DYSF: variants seen among roughly 807,000 people sequenced by gnomAD.
DYSF encodes dystrophy-associated fer-1-like 1.
A neutral mutation model predicts 274.9 loss-of-function variants in DYSF; 212 were observed. The observed-to-expected ratio is 0.77, with a 90% CI of 0.69 to 0.86. The LOEUF is 0.86. Ranked by LOEUF, DYSF falls within the 40% of genes least tolerant of loss-of-function variation. DYSF has a pLI of 0.00. For missense variants in DYSF, 2,666 were observed against 2,783.2 expected (o/e 0.96, Z 0.95); for synonymous variants, 1,091 against 1,078.7 (o/e 1.01, Z -0.22).
At chr2:71,551,199 C>T in intron 18 of DYSF, 43 bp downstream of exon 18, 1 of 1,599,828 alleles carries the variant, frequency 6.3e-7, no homozygotes, top group Non-Finnish European at 8.6e-7. Flanking sequence ...TGCCAGATGC[C>T]CAGGTCCCTC....
At chr2:71,670,393 A>G (rs996529571) in intron 51 of DYSF, among the ~76,000 whole-genome samples, 1 of 152,258 alleles carries the variant, frequency 6.6e-6, no homozygotes, top group Admixed American at 6.5e-5. Flanking sequence ...CAAGAAGGCC[A>G]GTCTGGCCTA....
intron 17 of DYSF, among the ~76,000 whole-genome samples, chr2:71,543,485 G>C (rs940434517): frequency 6.6e-5 from 10 of 152,212 alleles, no homozygotes; most frequent in Non-Finnish European, 1.3e-4. Flanking sequence ...CTGCGATCTC[G>C]GCACTTTGGG....
rs779674840 is a variant in DYSF, at chr2:71,539,254, C to T, written c.1576+15C>T. 1.6e-5 allele frequency: 26 copies of T among 1,610,584 alleles called. No homozygotes were observed. In the South Asian group the frequency reaches 1.8e-4, roughly 11 times the overall value. On this transcript the variant is annotated intron_variant, in intron 17 of 55. Coordinates refer to ENST00000410020, the MANE Select transcript of DYSF (RefSeq NM_001130987.2). ...AGAAATAGAAGGTATGTTCCCTCTTCGTTCTGCCCTTTGACCCCCTGTGCT... is the reference window on the plus strand; with the variant it reads ...AGAAATAGAAGGTATGTTCCCTCTTTGTTCTGCCCTTTGACCCCCTGTGCT...
upstream of DYSF, among the ~76,000 whole-genome samples, chr2:71,464,861 C>T (rs2081432300): frequency 6.6e-6 from 1 of 152,084 alleles, no homozygotes; most frequent in Admixed American, 6.5e-5. Context: ...GGATGACAGG[C>T]TTCCACTGGG....
intron 4 of DYSF, among the ~76,000 whole-genome samples, chr2:71,505,366 C>G (rs180821210): frequency 6.6e-6 from 1 of 152,230 alleles, no homozygotes; most frequent in Admixed American, 6.5e-5. Context: ...TAAGCCCAAT[C>G]AGCAGAGCAT....
At chr2:71,673,064 C>T (rs2095158049) in intron 51 of DYSF, among the ~76,000 whole-genome samples, 1 of 152,208 alleles carries the variant, frequency 6.6e-6, no homozygotes, top group South Asian at 2.1e-4. Flanking sequence ...GTGGGTTTAC[C>T]AGGCATTTGG....
At position 71,499,715 on chromosome 2, in the gene DYSF, C is replaced by G. The variant is rs78356268; in HGVS notation, c.240-3499C>G. Among the ~76,000 whole-genome samples the G allele has an allele frequency of 8.8e-3, 1,337 of 152,342 alleles. 24 individuals are homozygous for G. The highest frequency in any genetic ancestry group is 0.031 in the African/African-American group (1,278 of 41,582). On this transcript the variant is annotated intron_variant, in intron 3 of 55. Coordinates refer to ENST00000410020, the MANE Select transcript of DYSF (RefSeq NM_001130987.2). ...TTGCCCATGCCAGTTCCTGCCTTCT[C>G]TTTCTTTGGGTTGGCAGCGGCTCTT... is the stretch of plus-strand genomic sequence containing the variant.
rs1362615374 is a variant in DYSF, at chr2:71,668,791, C to T, written c.5495C>T (p.Ala1832Val). The part of the protein sequence containing the change: ...LQMWVDLFPK[A>V]LGRPGPPFNI... ...ATGTGGGTCGACCTATTTCCGAAGG[C>T]CCTGGGGCGGCCTGGACCTCCCTTC... Residue 1832 changes from alanine (A) to valine (V), a missense_variant, in exon 49 of 56, where the codon GCC becomes GTC. Physicochemically the swap from Ala to Val is moderately conservative, Grantham distance 64 (BLOSUM62 0). Coordinates refer to ENST00000410020, the MANE Select transcript of DYSF (RefSeq NM_001130987.2). The T allele has an allele frequency of 6.2e-7, 1 of 1,613,960 alleles. No homozygotes were observed. Among genetic ancestry groups the T allele is most frequent in the East Asian group, 2.2e-5 (1 of 44,868 alleles).
chr2:71,611,534 G>A lies in DYSF; in HGVS notation c.4129G>A (p.Val1377Ile), dbSNP rs766274211. Reference protein sequence around the residue: ...LANISSPSLVVECGGQTVQSC... With the variant: ...LANISSPSLVIECGGQTVQSC... ...CAACATCTCCTCCCCCAGCCTCGTGGTAGAGTGTGGGGGCCAGACGGTGCA... is the reference window on the plus strand; with the variant it reads ...CAACATCTCCTCCCCCAGCCTCGTGATAGAGTGTGGGGGCCAGACGGTGCA... Residue 1377 changes from valine (V) to isoleucine (I), a missense_variant, in exon 38 of 56, where the codon GTA becomes ATA. This residue lies in a region of DYSF where 1,460 missense variants were observed against 1,502.1 expected (regional missense o/e 0.97). Transcript: ENST00000410020. 3.7e-6 allele frequency: 6 copies of A among 1,613,750 alleles called. No homozygotes were observed. The African/African-American group carries it at 4.0e-5, about 11-fold the overall frequency.
rs2090907734 is a variant in DYSF at position 71,551,054 on chromosome 2, G to A, written c.1590G>A (p.Leu530=). ...PGGEIEVDDY[L]GFLPTFGPCY... Reference sequence around the variant, plus strand: ...TGTGTCTCCCAGTGGATGACTACCTGGGCTTCCTCCCCACTTTTGGGCCCT... The same window carrying A: ...TGTGTCTCCCAGTGGATGACTACCTAGGCTTCCTCCCCACTTTTGGGCCCT... The change falls in exon 18 of 56, where the codon CTG becomes CTA. Residue 530 remains leucine, a synonymous_variant. Transcript: ENST00000410020. 2 of 1,614,042 alleles carry A rather than the reference G, an allele frequency of 1.2e-6. No individual in the cohort carries two copies. The highest frequency in any genetic ancestry group is 8.5e-7 in the Non-Finnish European group (1 of 1,179,954).
At chr2:71,475,505 G>A in intron 1 of DYSF, among the ~76,000 whole-genome samples, 1 of 152,160 alleles carries the variant, frequency 6.6e-6, no homozygotes, top group East Asian at 1.9e-4. Context: ...ACCAAAGAGA[G>A]ATCAGCTACC....
chr2:71,478,965 T>C, intron 1 of DYSF, among the ~76,000 whole-genome samples: 1 of 152,056 alleles, frequency 6.6e-6, no homozygotes, highest in Admixed American at 6.6e-5. Context: ...CACAGGAGGC[T>C]GCACCTCTCC....
chr2:71,537,233 T>TG (rs2089458107), intron 16 of DYSF, among the ~76,000 whole-genome samples: 2 of 142,926 alleles, frequency 1.4e-5, no homozygotes, highest in Non-Finnish European at 3.1e-5. Flanking sequence ...GTTTTTTTTT[T>TG]TTTTTTTTTT....
chr2:71,612,779 G>T lies in DYSF; in HGVS notation c.4360G>T (p.Glu1454Ter). 6.2e-7 allele frequency: 1 copy of T among 1,613,918 alleles called. No homozygotes were observed. The highest frequency in any genetic ancestry group is 8.5e-7 in the Non-Finnish European group (1 of 1,179,834). ...ESFLCDPYSAESPSPQGGPDD... is the reference protein window; with the variant it reads ...ESFLCDPYSA ...CTTCCTGTGTGACCCCTACTCGGCGGAGAGTCCATCCCCACAGGGTGGCCC... is the reference window on the plus strand; with the variant it reads ...CTTCCTGTGTGACCCCTACTCGGCGTAGAGTCCATCCCCACAGGGTGGCCC... The change falls in exon 39 of 56, where the codon GAG becomes TAG. Residue 1454 changes from glutamate to a stop codon, truncating the protein, a stop_gained. Transcript: ENST00000410020. LOFTEE classifies it high-confidence loss of function.
rs1197162402 is a variant in DYSF, at chr2:71,480,399, T to C, written c.92-484T>C. Among the ~76,000 whole-genome samples, 5 of 150,708 alleles carry C rather than the reference T, an allele frequency of 3.3e-5. No homozygotes were observed. The East Asian group carries it at 5.9e-4, about 18-fold the overall frequency. On this transcript the variant is annotated intron_variant, in intron 1 of 55. Coordinates refer to ENST00000410020, the MANE Select transcript of DYSF (RefSeq NM_001130987.2). ...ACACACACACGCACACACACACACA[T>C]ACACACCAGCTTGATCTAGTGGTGT...
chr2:71,637,951 A>G (rs73942366), intron 41 of DYSF, among the ~76,000 whole-genome samples: 2 of 152,130 alleles, frequency 1.3e-5, no homozygotes, highest in South Asian at 4.2e-4. Context: ...GCCGGGAGGA[A>G]GGTCATAGGC....
intron 3 of DYSF, among the ~76,000 whole-genome samples, chr2:71,497,018 T>A (rs768846055): frequency 2.6e-5 from 4 of 152,150 alleles, no homozygotes; most frequent in Non-Finnish European, 5.9e-5. Context: ...TCAAACACCT[T>A]CCCAAGTCCC....
intron 40 of DYSF, among the ~76,000 whole-genome samples, chr2:71,613,949 G>T (rs757371045): frequency 6.6e-6 from 1 of 152,056 alleles, no homozygotes; most frequent in Admixed American, 6.5e-5. Flanking sequence ...AGGAGGCAGG[G>T]AGGGGCCTTA....
chr2:71,629,552 GA>G (rs958466731), intron 41 of DYSF, among the ~76,000 whole-genome samples: 44 of 152,072 alleles, frequency 2.9e-4, no homozygotes, highest in African/African-American at 1.0e-3. Flanking sequence ...CATTCTTTTA[GA>G]GAGGATATGT....
Sources: allele counts gnomAD v4.1 joint callset (sites outside exome capture counted in the v4.1 genomes callset), GRCh38; gene constraint gnomAD v4.1.1; regional missense constraint gnomAD v4.1.1; transcripts MANE v1.5; gene names NCBI Gene and HGNC (gene_info 2026-07-23, HGNC 2026-07-21).